Variants in DAB1 observed in about 807,000 individuals in gnomAD.
DAB1 encodes DAB adaptor protein 1.
Under a neutral mutation model 64.6 loss-of-function variants are expected in DAB1, and 15 were observed. The observed-to-expected ratio is 0.23, with a 90% confidence interval of 0.16 to 0.36. The LOEUF is 0.36. Among genes scored for constraint, DAB1 ranks in the 10% least tolerant of loss-of-function variants. DAB1 has a pLI of 1.00. For synonymous variants in DAB1, 235 were observed against 251.9 expected, an observed-to-expected ratio of 0.93 and a Z score of 0.64; for missense variants, 596 against 706.7, an observed-to-expected ratio of 0.84 and a Z score of 1.78.
intron 5 of DAB1, among the ~76,000 whole-genome samples, chr1:58,023,141 G>A (rs1040809661): frequency 3.3e-5 from 5 of 151,926 alleles, no homozygotes; most frequent in South Asian, 2.1e-4. Context: ...CTCATTTATC[G>A]TGCTCTAAGA....
chr1:57,743,220 C>G (rs545801068), intron 6 of DAB1, among the ~76,000 whole-genome samples: 1 of 152,256 alleles, frequency 6.6e-6, no homozygotes, highest in Non-Finnish European at 1.5e-5. Flanking sequence ...TGAAGATCCA[C>G]AAAAGAAGTA....
chr1:57,490,940 G>A (rs1055081331), intron 7 of DAB1, among the ~76,000 whole-genome samples: 4 of 152,318 alleles, frequency 2.6e-5, no homozygotes, highest in African/African-American at 9.6e-5. Flanking sequence ...TCACAGTTGA[G>A]AAGGACACAG....
chr1:57,724,008 A>G (rs1647179364), intron 6 of DAB1, among the ~76,000 whole-genome samples: 1 of 152,188 alleles, frequency 6.6e-6, no homozygotes. Context: ...CTGTCAAAAT[A>G]AAAGCTGAAG....
chr1:57,316,024 T>C (rs1249059303), intron 1 of DAB1, among the ~76,000 whole-genome samples: 1 of 152,190 alleles, frequency 6.6e-6, no homozygotes, highest in East Asian at 1.9e-4. Context: ...CACCCCAATT[T>C]AAAGATCGGA....
At chr1:57,335,136 G>C (rs1002709450) in intron 1 of DAB1, among the ~76,000 whole-genome samples, 1 of 151,986 alleles carries the variant, frequency 6.6e-6, no homozygotes, top group Non-Finnish European at 1.5e-5. Context: ...GTGAATTTAA[G>C]AATTTAAGAG....
chr1:58,503,195 AG>A (rs1319827457), intron 3 of DAB1, among the ~76,000 whole-genome samples: 2 of 152,208 alleles, frequency 1.3e-5, no homozygotes, highest in Non-Finnish European at 2.9e-5. Flanking sequence ...GAAAATAAAA[AG>A]AAAAAAAATT....
intron 5 of DAB1, among the ~76,000 whole-genome samples, chr1:58,085,217 G>A (rs1216277108): frequency 6.6e-6 from 1 of 152,118 alleles, no homozygotes; most frequent in African/African-American, 2.4e-5. Flanking sequence ...TGCCCTTGTG[G>A]GATCTTGTCC....
chr1:57,294,187 G>T (rs757241850), intron 1 of DAB1, among the ~76,000 whole-genome samples: 2 of 152,196 alleles, frequency 1.3e-5, no homozygotes, highest in Non-Finnish European at 2.9e-5. Context: ...ATTTTCCCCA[G>T]TAAAGGCTGT....
At chr1:58,002,617 T>G (rs190042914) in intron 5 of DAB1, among the ~76,000 whole-genome samples, 122 of 152,226 alleles carry the variant, frequency 8.0e-4, no homozygotes, top group African/African-American at 2.7e-3. Context: ...AGTTTCCCTT[T>G]AGTTACCTAT....
chr1:58,412,495 T>A (rs934788179), intron 3 of DAB1, among the ~76,000 whole-genome samples: 1 of 152,226 alleles, frequency 6.6e-6, no homozygotes, highest in Non-Finnish European at 1.5e-5. Context: ...TCCATGACGA[T>A]TGCAGCCAGA....
At chr1:58,402,332 C>G (rs370971339) in intron 3 of DAB1, among the ~76,000 whole-genome samples, 6 of 152,342 alleles carry the variant, frequency 3.9e-5, no homozygotes, top group African/African-American at 1.4e-4. Flanking sequence ...CCCAACACCC[C>G]CTTACCCGCA....
At chr1:57,398,391 AGGAG>A (rs1558309483) in intron 1 of DAB1, among the ~76,000 whole-genome samples, 1 of 151,996 alleles carries the variant, frequency 6.6e-6, no homozygotes, top group Non-Finnish European at 1.5e-5. Flanking sequence ...TTGAAAGATA[AGGAG>A]GAGTTCAACA....
At chr1:57,247,237 G>A (rs547939286) in intron 2 of DAB1, among the ~76,000 whole-genome samples, 1 of 152,258 alleles carries the variant, frequency 6.6e-6, no homozygotes, top group Admixed American at 6.5e-5. Flanking sequence ...GGCCTGGTGG[G>A]AGCTGATCAG....
chr1:57,473,461 C>G (rs576165440), intron 7 of DAB1, among the ~76,000 whole-genome samples: 3 of 152,332 alleles, frequency 2.0e-5, no homozygotes, highest in Admixed American at 2.0e-4. Flanking sequence ...TTACTAAGAC[C>G]TTTCCCCCAC....
intron 7 of DAB1, among the ~76,000 whole-genome samples, chr1:57,616,485 A>T (rs970220903): frequency 2.0e-5 from 3 of 152,214 alleles, no homozygotes; most frequent in African/African-American, 7.2e-5. Flanking sequence ...CTCAACAGAC[A>T]GTTGAATGAA....
At chr1:57,665,130 T>G (rs767974244) in intron 6 of DAB1, among the ~76,000 whole-genome samples, 2 of 152,036 alleles carry the variant, frequency 1.3e-5, no homozygotes, top group East Asian at 3.8e-4. Context: ...ATGCAATGCT[T>G]CTTCTATAAA....
chr1:57,949,346 G>A (rs1267902607), intron 5 of DAB1, among the ~76,000 whole-genome samples: 2 of 152,278 alleles, frequency 1.3e-5, no homozygotes, highest in East Asian at 1.9e-4. Context: ...TTCAGGCAGC[G>A]AGGCTTGCTC....
chr1:57,197,173 TA>T (rs1242216868), intron 2 of DAB1, among the ~76,000 whole-genome samples: 1 of 151,858 alleles, frequency 6.6e-6, no homozygotes, highest in Non-Finnish European at 1.5e-5. Flanking sequence ...CCATCTCTAC[TA>T]AAAAAACAAA....
At chr1:57,444,836 A>G (rs1345560031) in intron 7 of DAB1, among the ~76,000 whole-genome samples, 1 of 152,214 alleles carries the variant, frequency 6.6e-6, no homozygotes, top group African/African-American at 2.4e-5. Context: ...CTGCAAAACT[A>G]TGAGAGAACA....
Sources: allele counts gnomAD v4.1 joint callset (sites outside exome capture counted in the v4.1 genomes callset), GRCh38; gene constraint gnomAD v4.1.1; transcripts MANE v1.5; gene names NCBI Gene and HGNC (gene_info 2026-07-23, HGNC 2026-07-21).